Variants in ZNF106 observed in about 807,000 individuals in gnomAD.
The protein encoded by ZNF106 is SH3-domain binding protein 3.
Under a neutral mutation model 195.1 loss-of-function variants are expected in ZNF106, and 67 were observed. That is an observed-to-expected ratio of 0.34 (90% CI 0.28 to 0.42). The LOEUF is 0.42. Among genes scored for constraint, ZNF106 ranks in the 10% least tolerant of loss-of-function variants. The pLI, the probability that ZNF106 is intolerant of heterozygous loss-of-function variation, is 1.00. For synonymous variants in ZNF106, 784 were observed against 818.6 expected, an observed-to-expected ratio of 0.96 and a Z score of 0.72; for missense variants, 2,118 against 2,304.5, an observed-to-expected ratio of 0.92 and a Z score of 1.66.
chr15:42,485,584 G>C (rs60839827), intron 1 of ZNF106, among the ~76,000 whole-genome samples: 7,395 of 152,188 alleles, frequency 0.049, 596 homozygotes, highest in African/African-American at 0.17. Flanking sequence ...GTGTGGGTGT[G>C]TGTGTGTGAG....
chr15:42,485,351 G>A (rs900691047), intron 1 of ZNF106, among the ~76,000 whole-genome samples: 9 of 152,132 alleles, frequency 5.9e-5, no homozygotes, highest in Admixed American at 4.6e-4. Flanking sequence ...TATTCCACAA[G>A]GTACAGCAGG....
chr15:42,432,090 T>C (rs758650621), intron 14 of ZNF106, among the ~76,000 whole-genome samples: 1 of 152,216 alleles, frequency 6.6e-6, no homozygotes, highest in South Asian at 2.1e-4. Flanking sequence ...GTACTTATAA[T>C]TGTTATATCT....
chr15:42,489,428 C>A (rs1345984468), intron 1 of ZNF106, among the ~76,000 whole-genome samples: 1 of 151,966 alleles, frequency 6.6e-6, no homozygotes. Context: ...CCGCCCGCCT[C>A]GGCCTCCCAG....
At chr15:42,445,533 T>A (rs546494093) in intron 7 of ZNF106, among the ~76,000 whole-genome samples, 2 of 152,370 alleles carry the variant, frequency 1.3e-5, no homozygotes, top group South Asian at 4.1e-4. Context: ...GTTTGTCTGT[T>A]TCCTATTCAA....
Position 42,457,152 on chromosome 15 carries a change from A to G in ZNF106, c.123T>C (p.Ile41=). The G allele has an allele frequency of 1.9e-6, 3 of 1,614,150 alleles. No homozygotes were observed. Among genetic ancestry groups the G allele is most frequent in the African/African-American group, 1.3e-5 (1 of 75,024 alleles). ...CCCCGCACACTCGGCACTCATGACT[A>G]ATGTCCCTAGGGAAAGAGGGAGATG... ...RELENLKGRD[I]SHECRVCGVT... is the part of the protein sequence containing the mutation. The change falls in exon 4 of 22, where the codon ATT becomes ATC. Residue 41 remains isoleucine (I), a synonymous_variant. Coordinates refer to ENST00000564754, the MANE Select transcript of ZNF106 (RefSeq NM_001366845.3).
intron 1 of ZNF106, among the ~76,000 whole-genome samples, chr15:42,486,801 T>C (rs1047386548): frequency 2.0e-5 from 3 of 152,110 alleles, no homozygotes; most frequent in Admixed American, 6.6e-5. Flanking sequence ...TATATATATA[T>C]GTCAAGGCAC....
chr15:42,448,006 T>C lies in ZNF106; in HGVS notation c.3135+66A>G, dbSNP rs375353939. 770 of 1,507,090 alleles carry C rather than the reference T, an allele frequency of 5.1e-4. 3 individuals carry two copies. The highest frequency in any genetic ancestry group is 4.1e-3 in the South Asian group (309 of 75,340). The allele number at this position is 1,507,090 out of a possible 1,614,324, so 93.4% of individuals were successfully genotyped here. On this transcript the variant is annotated intron_variant, in intron 6 of 21. Coordinates refer to ENST00000564754, the MANE Select transcript of ZNF106 (RefSeq NM_001366845.3). ...GATACCCAAGAAAAACAGTTGAACC[T>C]TTTTTCATAAGCAACCAACTTGCCA...
chr15:42,449,689 AC>A, intron 5 of ZNF106, 81 bp downstream of exon 5: 1 of 1,501,028 alleles, frequency 6.7e-7, no homozygotes, highest in Non-Finnish European at 8.9e-7. Flanking sequence ...TAAATGAAAC[AC>A]GTAGAATTCT....
intron 9 of ZNF106, among the ~76,000 whole-genome samples, 182 bp downstream of exon 9, chr15:42,444,020 G>A (rs1042121610): frequency 3.5e-5 from 5 of 143,846 alleles, no homozygotes; most frequent in Non-Finnish European, 7.5e-5. Flanking sequence ...GCTGAGGCAC[G>A]AGTATCACTT....
intron 20 of ZNF106, 91 bp downstream of exon 20, chr15:42,420,970 A>C: frequency 4.3e-6 from 5 of 1,167,272 alleles, no homozygotes. Context: ...AAATATAAAA[A>C]TGCTACACTG....
intron 20 of ZNF106, 111 bp downstream of exon 20, chr15:42,420,950 G>T (rs1054442391): frequency 4.9e-5 from 48 of 987,094 alleles, no homozygotes; most frequent in Non-Finnish European, 1.1e-5. Context: ...AAGGCATAAA[G>T]TAGATGCTAA....
Position 42,417,943 on chromosome 15 carries a change from AC to A in ZNF106, c.5525del (p.Gly1842ValfsTer4). 6.2e-7 allele frequency: 1 copy of A among 1,613,300 alleles called. No homozygotes were observed. The highest frequency in any genetic ancestry group is 8.5e-7 in the Non-Finnish European group (1 of 1,179,666). On this transcript the variant is annotated frameshift_variant, in exon 21 of 22. Transcript: ENST00000564754. LOFTEE classifies it high-confidence loss of function. ...LMQNYRCWWH[G>X]CSLIFGVVDH... ...CTACAACGCCAAATATCAGAGAGCA[AC>A]CATGCCACTGGAGAGAAAGAAAATG...
chr15:42,451,464 CT>C lies in ZNF106; in HGVS notation c.807del (p.Gly270AlafsTer13). The C allele has an allele frequency of 6.2e-7, 1 of 1,614,142 alleles. No homozygotes were observed. Among genetic ancestry groups the C allele is most frequent in the Non-Finnish European group, 8.5e-7 (1 of 1,180,030 alleles). On this transcript the variant is annotated frameshift_variant, in exon 5 of 22. Coordinates refer to ENST00000564754, the MANE Select transcript of ZNF106 (RefSeq NM_001366845.3). LOFTEE classifies it high-confidence loss of function. Reference protein sequence around the residue: ...NYSGPGDKFQPGRNRNSNCQM... With the variant: ...NYSGPGDKFQXGRNRNSNCQM... ...TGACAGTTAGAATTTCTGTTTCTGCCTGGTTGAAATTTGTCTCCAGGGCCAC... is the reference window on the plus strand; with the variant it reads ...TGACAGTTAGAATTTCTGTTTCTGCCGGTTGAAATTTGTCTCCAGGGCCAC...
At chr15:42,479,635 A>G (rs1391083975) in intron 1 of ZNF106, among the ~76,000 whole-genome samples, 4 of 152,016 alleles carry the variant, frequency 2.6e-5, no homozygotes, top group Non-Finnish European at 5.9e-5. Context: ...AGAGGTCAGG[A>G]GTTTGAGACC....
intron 10 of ZNF106, among the ~76,000 whole-genome samples, chr15:42,441,344 A>G (rs2055529815): frequency 6.6e-6 from 1 of 151,898 alleles, no homozygotes; most frequent in Non-Finnish European, 1.5e-5. Context: ...CTCTGTCTCA[A>G]TAAATAAATA....
At chr15:42,490,264 A>G (rs572731635) in intron 1 of ZNF106, 1 of 152,204 alleles carries the variant, frequency 6.6e-6, no homozygotes, top group Non-Finnish European at 1.5e-5. Context: ...TGCTTTGAAT[A>G]AACTGGATAT....
At chr15:42,458,611 G>T (rs2056305983) in intron 3 of ZNF106, among the ~76,000 whole-genome samples, 1 of 151,914 alleles carries the variant, frequency 6.6e-6, no homozygotes, top group Admixed American at 6.6e-5. Context: ...GGGAGGCTGA[G>T]GCAGGAGAAT....
intron 1 of ZNF106, among the ~76,000 whole-genome samples, chr15:42,476,817 G>A (rs972013563): frequency 1.3e-5 from 2 of 152,040 alleles, no homozygotes; most frequent in Admixed American, 1.3e-4. Context: ...AACCTGTGCG[G>A]TTCAAGGGTC....
chr15:42,437,178 C>T, intron 13 of ZNF106, 54 bp downstream of exon 13: 1 of 1,562,050 alleles, frequency 6.4e-7, no homozygotes, highest in South Asian at 1.2e-5. Flanking sequence ...AAAGTATAAA[C>T]TGGATTTTCC....
Sources: gnomAD v4.1 joint callset for allele counts (sites outside exome capture counted in the v4.1 genomes callset) on GRCh38, gnomAD v4.1.1 for gene constraint, MANE v1.5 for transcripts, NCBI Gene and HGNC (gene_info 2026-07-23, HGNC 2026-07-21) for gene names.